The following CALN1 variants were observed in gnomAD, a reference collection of about 807,000 sequenced individuals.
The protein encoded by CALN1 is calcium-binding protein 8.
CALN1 carries 17 observed loss-of-function variants against 30.6 expected under a neutral mutation model. The observed-to-expected ratio is 0.56, with a 90% CI of 0.38 to 0.83. CALN1 has a LOEUF of 0.83. CALN1 is among the 40% of genes least tolerant of loss of function. CALN1 has a pLI of 0.00. For missense variants in CALN1, 291 were observed against 354.9 expected (o/e 0.82, Z 1.45); for synonymous variants, 156 against 131.4 (o/e 1.19, Z -1.28).
chr7:72,412,806 A>G (rs1266363435), upstream of CALN1, among the ~76,000 whole-genome samples: 5 of 152,248 alleles, frequency 3.3e-5, no homozygotes, highest in Non-Finnish European at 4.4e-5. Context: ...CACAGGACAG[A>G]GAAATATCTG....
intron 2 of CALN1, among the ~76,000 whole-genome samples, chr7:72,396,637 G>T (rs1199098872): frequency 6.6e-6 from 1 of 152,170 alleles, no homozygotes; most frequent in Non-Finnish European, 1.5e-5. Flanking sequence ...ATAATGGGCA[G>T]AGAGGGGCAA....
the CALN1 span, among the ~76,000 whole-genome samples, chr7:72,469,531 G>C: frequency 7.2e-5 from 11 of 152,116 alleles, no homozygotes; most frequent in Admixed American, 7.2e-4. Flanking sequence ...TGAGTACCTA[G>C]GATTACAGGC....
chr7:71,914,851 G>A (rs1347625794), intron 5 of CALN1, among the ~76,000 whole-genome samples: 1 of 152,090 alleles, frequency 6.6e-6, no homozygotes, highest in Non-Finnish European at 1.5e-5. Context: ...GCCTTCTCTT[G>A]AAAAGTGTCT....
intron 2 of CALN1, among the ~76,000 whole-genome samples, chr7:72,341,549 CAAAT>C (rs10551403): frequency 0.37 from 55,888 of 151,622 alleles, 11,054 homozygotes; most frequent in Admixed American, 0.45. Flanking sequence ...GACAAACAAA[CAAAT>C]GCCTTGGTAA....
intron 1 of CALN1, among the ~76,000 whole-genome samples, chr7:72,435,867 T>G (rs1236984352): frequency 3.9e-5 from 6 of 152,188 alleles, no homozygotes; most frequent in Non-Finnish European, 7.4e-5. Flanking sequence ...AGACACAGAA[T>G]TCACTTGACA....
chr7:72,041,126 A>G (rs1167411018), intron 4 of CALN1, among the ~76,000 whole-genome samples: 6 of 152,104 alleles, frequency 3.9e-5, no homozygotes, highest in Non-Finnish European at 8.8e-5. Context: ...ATCCTGTTGC[A>G]CTCTACATAA....
chr7:72,402,507 A>G (rs1266500593), intron 2 of CALN1, among the ~76,000 whole-genome samples: 1 of 152,280 alleles, frequency 6.6e-6, no homozygotes, highest in East Asian at 1.9e-4. Flanking sequence ...CATTTATAGG[A>G]CTCACCACAG....
intron 2 of CALN1, chr7:72,336,661 AGC>A (rs536514241): frequency 2.7e-5 from 26 of 972,406 alleles, no homozygotes; most frequent in East Asian, 1.1e-4. Context: ...AAGAAAAGAG[AGC>A]GCGCGCGCGG....
At chr7:72,485,098 T>C in the CALN1 span, among the ~76,000 whole-genome samples, 1 of 152,188 alleles carries the variant, frequency 6.6e-6, no homozygotes, top group Non-Finnish European at 1.5e-5. Flanking sequence ...AAAAAAAATT[T>C]TTTTTAATTA....
intron 4 of CALN1, among the ~76,000 whole-genome samples, chr7:72,077,558 G>C (rs1358879938): frequency 6.6e-6 from 1 of 152,214 alleles, no homozygotes; most frequent in African/African-American, 2.4e-5. Context: ...ACAGGCATGA[G>C]CCACTGTGCC....
At chr7:71,873,667 T>C (rs1792077610) in intron 5 of CALN1, among the ~76,000 whole-genome samples, 1 of 152,222 alleles carries the variant, frequency 6.6e-6, no homozygotes. Context: ...ATCCCTGGGC[T>C]ACCCACCAGA....
chr7:71,903,046 T>A (rs989299488), intron 5 of CALN1, among the ~76,000 whole-genome samples: 41 of 151,844 alleles, frequency 2.7e-4, no homozygotes, highest in African/African-American at 8.0e-4. Flanking sequence ...TTAAAAAAAA[T>A]TTTTACTTTT....
intron 3 of CALN1, among the ~76,000 whole-genome samples, chr7:72,254,173 G>C (rs540053883): frequency 1.3e-5 from 2 of 152,108 alleles, no homozygotes; most frequent in Non-Finnish European, 2.9e-5. Flanking sequence ...AACCTTTCTC[G>C]GTGCTGCGCT....
chr7:72,121,441 A>C (rs1274009591), intron 3 of CALN1, among the ~76,000 whole-genome samples: 1 of 146,962 alleles, frequency 6.8e-6, no homozygotes, highest in Non-Finnish European at 1.5e-5. Context: ...ATGTTATATA[A>C]TTATATATAG....
At chr7:72,459,041 A>G in the CALN1 span, among the ~76,000 whole-genome samples, 2,497 of 150,924 alleles carry the variant, frequency 0.017, 76 homozygotes, top group African/African-American at 0.058. Flanking sequence ...CCTCCTGAGT[A>G]GCTGCAATTA....
chr7:71,975,814 G>A (rs188494225), intron 5 of CALN1, among the ~76,000 whole-genome samples: 10 of 151,274 alleles, frequency 6.6e-5, no homozygotes, highest in South Asian at 2.1e-4. Flanking sequence ...CTCCCTCCAT[G>A]CACTAACTTT....
At chr7:71,794,473 A>G (rs899148370) in intron 6 of CALN1, among the ~76,000 whole-genome samples, 1 of 152,218 alleles carries the variant, frequency 6.6e-6, no homozygotes, top group African/African-American at 2.4e-5. Flanking sequence ...TGTGAGTCCA[A>G]GATCTGACTT....
Position 72,308,364 on chromosome 7 carries a change from TG to T in CALN1, c.120-29555del, listed in dbSNP as rs769377451. On this transcript the variant is annotated intron_variant, in intron 2 of 6. Coordinates refer to ENST00000395275, the MANE Select transcript of CALN1 (RefSeq NM_031468.4). Reference sequence around the variant, plus strand: ...GGGCCACAGAGTGAGATGCTGTCTGTGGGGGGGGGAGAGAGAGAGAGAGAGA... The same window carrying T: ...GGGCCACAGAGTGAGATGCTGTCTGTGGGGGGGGAGAGAGAGAGAGAGAGA... 4.5e-4 allele frequency among the ~76,000 whole-genome samples: 26 copies of T among 57,904 alleles called. 5 individuals carry two copies. The highest frequency in any genetic ancestry group is 3.0e-3 in the African/African-American group (23 of 7,624). The allele number at this position is 57,904 out of a possible 152,430, so 38.0% of individuals were successfully genotyped here. A position where few individuals can be genotyped will look rare whatever the true frequency, so the allele number is the denominator to read the frequency against.
intron 5 of CALN1, among the ~76,000 whole-genome samples, chr7:71,878,450 T>C (rs528140729): frequency 6.6e-6 from 1 of 151,344 alleles, no homozygotes; most frequent in East Asian, 2.0e-4. Flanking sequence ...GCAAAATTAG[T>C]TTCTCATGGA....
Sources: allele counts gnomAD v4.1 joint callset (sites outside exome capture counted in the v4.1 genomes callset), GRCh38; gene constraint gnomAD v4.1.1; transcripts MANE v1.5; gene names NCBI Gene and HGNC (gene_info 2026-07-23, HGNC 2026-07-21).